Variants in ROBO2 observed in about 807,000 individuals in gnomAD.
ROBO2 encodes roundabout homolog 2.
A neutral mutation model predicts 160.8 loss-of-function variants in ROBO2; 53 were observed. The ratio of observed to expected loss-of-function variants is 0.33; its 90% CI spans 0.26 to 0.41. ROBO2 has a LOEUF of 0.41. Among genes scored for constraint, ROBO2 ranks in the 10% least tolerant of loss-of-function variants. The pLI, the probability that ROBO2 is intolerant of heterozygous loss-of-function variation, is 1.00. For missense variants in ROBO2, 1,577 were observed against 1,722.4 expected (o/e 0.92, Z 1.49); for synonymous variants, 664 against 611.7 (o/e 1.09, Z -1.26).
At chr3:77,035,372 A>G (rs1449967419), upstream of ROBO2, among the ~76,000 whole-genome samples, 2 of 151,858 alleles carry the variant, frequency 1.3e-5, no homozygotes, top group Non-Finnish European at 3.0e-5. Flanking sequence ...TTACTGTAAT[A>G]TTTGTTTATT....
At chr3:76,977,679 T>C (rs995886734) in intron 2 of ROBO2, among the ~76,000 whole-genome samples, 3 of 152,160 alleles carry the variant, frequency 2.0e-5, no homozygotes, top group African/African-American at 7.2e-5. Context: ...ATAACATTTC[T>C]ATATTTCAGC....
At chr3:76,762,749 A>T (rs2108395944) in intron 2 of ROBO2, among the ~76,000 whole-genome samples, 1 of 151,786 alleles carries the variant, frequency 6.6e-6, no homozygotes, top group African/African-American at 2.4e-5. Context: ...TAAAGAACAC[A>T]CTTTATTACA....
rs534044926 is a variant in ROBO2 at position 76,813,730 on chromosome 3, C to A, written c.110-284284C>A. 8.6e-4 allele frequency among the ~76,000 whole-genome samples: 131 copies of A among 152,236 alleles called. 1 individual carries two copies. The highest frequency in any genetic ancestry group is 5.6e-4 in the Non-Finnish European group (38 of 67,998). On this transcript the variant is annotated intron_variant, in intron 2 of 26. Coordinates refer to the ROBO2 transcript ENST00000487694. ...GGAGAAACTCACCTTGATACATACA[C>A]ATATGCATTTTTTTCAGTCTCCCAA... is the stretch of plus-strand genomic sequence containing the variant.
At chr3:76,292,297 C>T (rs555698178) in intron 2 of ROBO2, among the ~76,000 whole-genome samples, 6 of 152,268 alleles carry the variant, frequency 3.9e-5, no homozygotes, top group East Asian at 1.9e-4. Flanking sequence ...TAGCACCACA[C>T]GAATTAACTC....
intron 2 of ROBO2, among the ~76,000 whole-genome samples, chr3:75,943,670 ATAAAC>A (rs1948150415): frequency 6.6e-6 from 1 of 152,140 alleles, no homozygotes; most frequent in Admixed American, 6.5e-5. Context: ...TGAGAAATAT[ATAAAC>A]TAAGATATTC....
chr3:76,816,446 C>T (rs956679282), intron 2 of ROBO2, among the ~76,000 whole-genome samples: 3 of 151,972 alleles, frequency 2.0e-5, no homozygotes, highest in Non-Finnish European at 2.9e-5. Flanking sequence ...AGAGCCAAAG[C>T]GTGTGATTCA....
chr3:77,327,259 T>G (rs1039055364), intron 2 of ROBO2, among the ~76,000 whole-genome samples: 5 of 152,212 alleles, frequency 3.3e-5, no homozygotes, highest in African/African-American at 1.2e-4. Flanking sequence ...ACCAATGTTC[T>G]GGATTCAATA....
intron 2 of ROBO2, among the ~76,000 whole-genome samples, chr3:76,948,908 A>ATATATATATATATATATTTTTTTT (rs1209284372): frequency 4.0e-5 from 1 of 24,970 alleles, no homozygotes; most frequent in African/African-American, 1.8e-4. Context: ...ATATATATAT[A>ATATATATATATATATATTTTTTTT]TTTTTTTTTT....
intron 2 of ROBO2, among the ~76,000 whole-genome samples, chr3:76,938,534 A>T (rs144412495): frequency 0.013 from 1,946 of 151,882 alleles, 35 homozygotes; most frequent in African/African-American, 0.045. Context: ...TCTCTCTCTG[A>T]GCTTTTCCAA....
At chr3:76,865,734 T>A (rs781352801) in intron 2 of ROBO2, among the ~76,000 whole-genome samples, 19 of 152,122 alleles carry the variant, frequency 1.2e-4, no homozygotes, top group Admixed American at 2.6e-4. Flanking sequence ...ATTACAGGTA[T>A]TGAATGAAAT....
chr3:76,237,876 C>T (rs1352781331), intron 2 of ROBO2, among the ~76,000 whole-genome samples: 1 of 152,136 alleles, frequency 6.6e-6, no homozygotes, highest in African/African-American at 2.4e-5. Flanking sequence ...TCTAAGACAG[C>T]GATTTTCCCC....
chr3:77,474,661 C>T (rs1416433878), intron 2 of ROBO2, among the ~76,000 whole-genome samples: 2 of 120,990 alleles, frequency 1.7e-5, no homozygotes, highest in Non-Finnish European at 3.5e-5. Context: ...GGGGAATACA[C>T]ACACACACAC....
At chr3:76,413,310 G>A (rs1057297219) in intron 2 of ROBO2, among the ~76,000 whole-genome samples, 1 of 152,210 alleles carries the variant, frequency 6.6e-6, no homozygotes, top group Non-Finnish European at 1.5e-5. Context: ...AACATATCAT[G>A]TCACCAAATG....
chr3:77,460,729 C>T (rs2082154171), intron 2 of ROBO2, among the ~76,000 whole-genome samples: 1 of 151,980 alleles, frequency 6.6e-6, no homozygotes, highest in African/African-American at 2.4e-5. Flanking sequence ...AGGAATTTTC[C>T]ACATATTAAC....
chr3:77,438,996 C>G (rs1390537808), intron 2 of ROBO2, among the ~76,000 whole-genome samples: 2 of 151,918 alleles, frequency 1.3e-5, no homozygotes, highest in Admixed American at 6.6e-5. Context: ...AGAAATCTCA[C>G]TAGTTCAAGG....
intron 2 of ROBO2, among the ~76,000 whole-genome samples, chr3:75,961,938 A>G (rs1948929439): frequency 6.6e-6 from 1 of 151,360 alleles, no homozygotes; most frequent in African/African-American, 2.4e-5. Context: ...AATATGTAGC[A>G]ATCATTAATC....
At chr3:77,356,756 G>C (rs1008294565) in intron 2 of ROBO2, among the ~76,000 whole-genome samples, 1 of 152,034 alleles carries the variant, frequency 6.6e-6, no homozygotes, top group Non-Finnish European at 1.5e-5. Context: ...TGGCAAAGTT[G>C]GGCTTCGTTT....
chr3:76,614,301 G>C (rs148221202), intron 2 of ROBO2, among the ~76,000 whole-genome samples: 77 of 152,100 alleles, frequency 5.1e-4, no homozygotes, highest in African/African-American at 1.8e-3. Context: ...TTAAAAATGT[G>C]ATCAATAGAA....
intron 2 of ROBO2, among the ~76,000 whole-genome samples, chr3:76,990,785 T>G (rs540443702): frequency 6.6e-6 from 1 of 152,254 alleles, no homozygotes; most frequent in South Asian, 2.1e-4. Context: ...GGCTCAAGCA[T>G]GCATATCAAG....
Sources: gnomAD v4.1 joint callset for allele counts (sites outside exome capture counted in the v4.1 genomes callset) on GRCh38, gnomAD v4.1.1 for gene constraint, MANE v1.5 for transcripts, NCBI Gene and HGNC (gene_info 2026-07-23, HGNC 2026-07-21) for gene names.